The following RPS4X variants were observed in gnomAD, a reference collection of about 807,000 sequenced individuals.
The protein encoded by RPS4X is ribosomal protein S4 X-linked.
For synonymous variants in RPS4X, 76 were observed against 76.8 expected (o/e 0.99, Z 0.06); for missense variants, 90 against 219.1 (o/e 0.41, Z 3.72).
chrX:72,274,521 G>A (rs1471133473), intron 4 of RPS4X: 1 of 324,894 alleles, frequency 3.1e-6, no homozygotes, highest in Non-Finnish European at 6.1e-6. Context: ...CTAAACTTTT[G>A]TGTAAAACCA....
At chrX:72,273,548 T>C (rs1249436709) in intron 5 of RPS4X, among the ~76,000 whole-genome samples, 159 bp from the exon 6 acceptor site, 1 of 111,676 alleles carries the variant, frequency 9.0e-6, no homozygotes, top group Non-Finnish European at 1.9e-5. Flanking sequence ...CGTAAGAAAT[T>C]TTGTGGCCAG....
At position 72,276,131 on chromosome X, in the gene RPS4X, C is replaced by G. The variant is rs778704585; in HGVS notation, c.81+26G>C. The G allele has an allele frequency of 2.6e-6, 3 of 1,164,010 alleles. No individual in the cohort carries two copies. The South Asian group carries it at 5.4e-5, about 21-fold the overall frequency. ...GGGAGACACTTAAAAACAGTGGCCACGGAAATATTTATATAAGATACTTAC... is the reference window on the plus strand; with the variant it reads ...GGGAGACACTTAAAAACAGTGGCCAGGGAAATATTTATATAAGATACTTAC... On this transcript the variant is annotated intron_variant, in intron 2 of 6. Coordinates refer to ENST00000316084, the MANE Select transcript of RPS4X (RefSeq NM_001007.5).
chrX:72,277,079 T>C (rs1302331958), intron 1 of RPS4X, 114 bp downstream of exon 1: 2 of 903,096 alleles, frequency 2.2e-6, no homozygotes, highest in African/African-American at 3.9e-5. Flanking sequence ...GAGGCCGTGA[T>C]CCCTTCGCCT....
intron 4 of RPS4X, chrX:72,274,360 C>T (rs140251765): frequency 3.0e-6 from 1 of 337,347 alleles, no homozygotes; most frequent in East Asian, 9.5e-5. Context: ...TGGATCTCTA[C>T]TCCCTGATAT....
At chrX:72,273,529 C>T (rs1357493416) in intron 5 of RPS4X, 140 bp from the exon 6 acceptor site, 9 of 670,459 alleles carry the variant, frequency 1.3e-5, no homozygotes, top group East Asian at 3.6e-5. Context: ...CTAGGACTCC[C>T]GGGACTCTCG....
At position 72,277,199 on chromosome X, in the gene RPS4X, T is replaced by A. The variant is rs1294502035; in HGVS notation, c.-4A>T. 8.3e-7 allele frequency: 1 copy of A among 1,210,796 alleles called. No homozygotes were observed. Among genetic ancestry groups the A allele is most frequent in the Admixed American group, 2.2e-5 (1 of 46,061 alleles). ...CGCTAACTAAACGGCTTACCATGGCTGCGTTAGGCAAGGAAAGAGGACCTC... is the reference window on the plus strand; with the variant it reads ...CGCTAACTAAACGGCTTACCATGGCAGCGTTAGGCAAGGAAAGAGGACCTC... On this transcript the variant is annotated 5_prime_UTR_variant, in exon 1 of 7. Transcript: ENST00000316084.
intron 3 of RPS4X, 29 bp downstream of exon 3, chrX:72,275,515 G>C (rs2043199054): frequency 9.2e-7 from 1 of 1,084,600 alleles, no homozygotes. Context: ...CCATCAATAT[G>C]CGTCTCCAGA....
intron 5 of RPS4X, among the ~76,000 whole-genome samples, 179 bp downstream of exon 5, chrX:72,273,622 C>G (rs1203538955): frequency 1.8e-5 from 2 of 111,542 alleles, no homozygotes; most frequent in Admixed American, 1.9e-4. Context: ...AGACCCTCCT[C>G]TATAAAAAAC....
chrX:72,274,747 A>C (rs1246160187), intron 4 of RPS4X: 5 of 242,014 alleles, frequency 2.1e-5, no homozygotes, highest in African/African-American at 1.4e-4. Flanking sequence ...GACACCAGGA[A>C]GTCGCGGTTC....
In RPS4X at chrX:72,273,730, C is replaced by T. The variant is rs750476874; in HGVS notation, c.532+71G>A. 36 of 952,376 alleles carry T rather than the reference C, an allele frequency of 3.8e-5. No individual in the cohort carries two copies. The African/African-American group carries it at 5.9e-4, about 16-fold the overall frequency. The allele number at this position is 952,376 out of a possible 1,213,427, so 78.5% of individuals were successfully genotyped here. On this transcript the variant is annotated intron_variant, in intron 5 of 6. Coordinates refer to ENST00000316084, the MANE Select transcript of RPS4X (RefSeq NM_001007.5). ...GAGCAGATGGTTTTTAATAAAGATA[C>T]CCAGACCCTGTGCAATTCATAATGA...
At chrX:72,273,066 C>T (rs2043187011) in intron 6 of RPS4X, among the ~76,000 whole-genome samples, 166 bp downstream of exon 6, 1 of 111,585 alleles carries the variant, frequency 9.0e-6, no homozygotes, top group African/African-American at 3.3e-5. Context: ...TTAGTAGTAC[C>T]TAAGGCTAAT....
chrX:72,276,666 A>G, intron 1 of RPS4X, among the ~76,000 whole-genome samples: 1 of 112,199 alleles, frequency 8.9e-6, no homozygotes, highest in African/African-American at 3.2e-5. Flanking sequence ...ACACGTATGG[A>G]ACAAGATTCT....
chrX:72,276,035 A>G, intron 2 of RPS4X, 122 bp downstream of exon 2: 2 of 560,810 alleles, frequency 3.6e-6, no homozygotes, highest in Non-Finnish European at 6.0e-6. Context: ...GCTAGATAGT[A>G]TAGCTCCTTC....
intron 3 of RPS4X, 140 bp from the exon 4 acceptor site, chrX:72,275,290 A>C (rs982114580): frequency 2.1e-6 from 1 of 473,545 alleles, no homozygotes; most frequent in Non-Finnish European, 3.6e-6. Flanking sequence ...TGAAGATTAA[A>C]GATCACGGCC....
chrX:72,276,075 C>T (rs2043202018), intron 2 of RPS4X, 82 bp downstream of exon 2: 3 of 758,850 alleles, frequency 4.0e-6, no homozygotes, highest in South Asian at 4.6e-5. Flanking sequence ...AATAGATATT[C>T]CTCCCCTAGC....
rs756737172 is a variant in RPS4X at position 72,275,533 on chromosome X, A to G, written c.262+11T>C. On this transcript the variant is annotated intron_variant, in intron 3 of 6. Coordinates refer to ENST00000316084, the MANE Select transcript of RPS4X (RefSeq NM_001007.5). ...TCAATATGCGTCTCCAGAGTATTTA[A>G]AACTTCTTACCCATGAATCCAGCAG... 9.2e-7 allele frequency: 1 copy of G among 1,082,436 alleles called. No individual in the cohort carries two copies. Among genetic ancestry groups the G allele is most frequent in the African/African-American group, 3.8e-5 (1 of 25,978 alleles). The allele number at this position is 1,082,436 out of a possible 1,213,427, so 89.2% of individuals were successfully genotyped here.
At chrX:72,276,798 G>A (rs1488793466) in intron 1 of RPS4X, among the ~76,000 whole-genome samples, 3 of 112,578 alleles carry the variant, frequency 2.7e-5, no homozygotes, top group African/African-American at 9.7e-5. Context: ...TACCGGCCAC[G>A]TATGGTAAAG....
intron 1 of RPS4X, among the ~76,000 whole-genome samples, chrX:72,276,883 G>A (rs951692392): frequency 1.8e-5 from 2 of 112,695 alleles, no homozygotes; most frequent in East Asian, 5.6e-4. Context: ...CCAACCTCGG[G>A]CTCGCAGTCT....
chrX:72,273,484 C>G (rs1277202885), intron 5 of RPS4X, 95 bp from the exon 6 acceptor site: 6 of 885,146 alleles, frequency 6.8e-6, no homozygotes, highest in Middle Eastern at 2.8e-4. Flanking sequence ...CCTTTCCCCC[C>G]ATTTGAATTT....
Sources: gnomAD v4.1 joint callset for allele counts (sites outside exome capture counted in the v4.1 genomes callset) on GRCh38, gnomAD v4.1.1 for gene constraint, MANE v1.5 for transcripts, NCBI Gene and HGNC (gene_info 2026-07-23, HGNC 2026-07-21) for gene names.